Variants in TNS3 observed in about 807,000 individuals in gnomAD.
TNS3 encodes tensin 3.
Under a neutral mutation model 140.9 loss-of-function variants are expected in TNS3, and 45 were observed. The observed-to-expected ratio is 0.32, with a 90% CI of 0.25 to 0.41. TNS3 has a LOEUF of 0.41. Ranked by LOEUF, TNS3 falls within the 10% of genes least tolerant of loss-of-function variation. The pLI is 1.00. For synonymous variants in TNS3, 815 were observed against 788.4 expected (o/e 1.03, Z -0.56); for missense variants, 1,716 against 1,906.7 (o/e 0.90, Z 1.86).
intron 20 of TNS3, among the ~76,000 whole-genome samples, chr7:47,308,670 C>T (rs995086814): frequency 6.6e-6 from 1 of 152,128 alleles, no homozygotes; most frequent in Non-Finnish European, 1.5e-5. Context: ...TTAGGAAGGC[C>T]TGGAGTCATG....
intron 3 of TNS3, among the ~76,000 whole-genome samples, chr7:47,492,749 CT>C (rs1797860203): frequency 1.3e-5 from 2 of 152,342 alleles, no homozygotes; most frequent in African/African-American, 4.8e-5. Flanking sequence ...TTTTCCGAGG[CT>C]TTTAAAATGA....
intron 17 of TNS3, among the ~76,000 whole-genome samples, chr7:47,364,927 G>C (rs1429482284): frequency 6.6e-6 from 1 of 152,120 alleles, no homozygotes; most frequent in African/African-American, 2.4e-5. Context: ...CTAATCTTCT[G>C]ACATCTTTTT....
chr7:47,451,449 T>A (rs999183052), intron 4 of TNS3, among the ~76,000 whole-genome samples: 7 of 151,884 alleles, frequency 4.6e-5, no homozygotes, highest in Non-Finnish European at 1.0e-4. Flanking sequence ...GGCGTGGTGG[T>A]ATGTGGCTGT....
rs976862984 is a variant in TNS3 at position 47,463,379 on chromosome 7, G to A, written c.-76+17724C>T. 3.3e-5 allele frequency among the ~76,000 whole-genome samples: 5 copies of A among 152,328 alleles called. No homozygotes were observed. The South Asian group carries it at 1.0e-3, about 32-fold the overall frequency. ...GAATCACTTGAACCCAGGAGGCAGA[G>A]GTTGCAGTGAACCGAGATCATGCCA... On this transcript the variant is annotated intron_variant, in intron 4 of 30. Transcript: ENST00000311160.
intron 20 of TNS3, among the ~76,000 whole-genome samples, chr7:47,309,912 G>C (rs1025634522): frequency 6.6e-6 from 1 of 152,206 alleles, no homozygotes; most frequent in Non-Finnish European, 1.5e-5. Context: ...ACAATAGTTT[G>C]AACCCATTCA....
At chr7:47,399,406 G>A (rs1161961984) in intron 15 of TNS3, among the ~76,000 whole-genome samples, 1 of 152,038 alleles carries the variant, frequency 6.6e-6, no homozygotes. Context: ...AAAATCTGGA[G>A]GCATCGCACT....
intron 20 of TNS3, among the ~76,000 whole-genome samples, chr7:47,309,972 G>C (rs1786992489): frequency 6.6e-6 from 1 of 152,216 alleles, no homozygotes; most frequent in African/African-American, 2.4e-5. Context: ...CCAGGGAAGG[G>C]AGCAGGAGAT....
chr7:47,508,310 T>C (rs1798491194), intron 2 of TNS3, among the ~76,000 whole-genome samples: 1 of 152,234 alleles, frequency 6.6e-6, no homozygotes, highest in Non-Finnish European at 1.5e-5. Context: ...TGTCATTCTA[T>C]ACCTTGAGGT....
At chr7:47,479,130 G>C (rs926211765) in intron 4 of TNS3, among the ~76,000 whole-genome samples, 24 of 152,192 alleles carry the variant, frequency 1.6e-4, no homozygotes, top group African/African-American at 5.8e-4. Context: ...AGGGAACAAT[G>C]ACAACATCTA....
intron 4 of TNS3, among the ~76,000 whole-genome samples, chr7:47,465,141 C>G (rs1246605864): frequency 6.6e-6 from 1 of 152,192 alleles, no homozygotes; most frequent in Non-Finnish European, 1.5e-5. Flanking sequence ...CTTTATGAAG[C>G]AAGTGTTACT....
At chr7:47,394,753 C>T (rs1348963163) in intron 16 of TNS3, among the ~76,000 whole-genome samples, 1 of 152,264 alleles carries the variant, frequency 6.6e-6, no homozygotes, top group Middle Eastern at 3.2e-3. Context: ...AACTGATTTT[C>T]TGTCTATATG....
At chr7:47,433,498 T>C (rs834594) in intron 8 of TNS3, among the ~76,000 whole-genome samples, 36,597 of 152,204 alleles carry the variant, frequency 0.24, 5,316 homozygotes, top group Non-Finnish European at 0.32. Flanking sequence ...TAGAAAGCTC[T>C]AGGTGGTCCC....
At chr7:47,452,908 G>A (rs562953992) in intron 4 of TNS3, 85 of 985,390 alleles carry the variant, frequency 8.6e-5, no homozygotes, top group African/African-American at 2.8e-4. Flanking sequence ...GCCGAGAGGC[G>A]GCACGTGGGG....
At chr7:47,451,973 A>C (rs1796035713) in intron 4 of TNS3, among the ~76,000 whole-genome samples, 1 of 152,110 alleles carries the variant, frequency 6.6e-6, no homozygotes, top group African/African-American at 2.4e-5. Context: ...TGATCTTGGG[A>C]ATTTACTTGC....
chr7:47,309,571 TA>T (rs1272981674), intron 20 of TNS3, among the ~76,000 whole-genome samples: 1 of 152,216 alleles, frequency 6.6e-6, no homozygotes, highest in Non-Finnish European at 1.5e-5. Flanking sequence ...GAGGGTTCAT[TA>T]GTAGGCTAAA....
At chr7:47,414,931 T>A (rs1191881952) in intron 11 of TNS3, among the ~76,000 whole-genome samples, 163 bp downstream of exon 11, 1 of 152,134 alleles carries the variant, frequency 6.6e-6, no homozygotes, top group East Asian at 1.9e-4. Context: ...AACATGGGGC[T>A]CTGACCACTG....
chr7:47,535,986 C>G (rs535058641), intron 1 of TNS3, among the ~76,000 whole-genome samples: 9 of 152,338 alleles, frequency 5.9e-5, no homozygotes, highest in African/African-American at 1.7e-4. Flanking sequence ...TCTGGAGAGG[C>G]AGACACTGAT....
chr7:47,529,276 C>G (rs893211492), intron 1 of TNS3, 129 bp from the exon 2 acceptor site: 13 of 470,210 alleles, frequency 2.8e-5, no homozygotes, highest in Non-Finnish European at 3.4e-6. Context: ...ACCAAGCAAA[C>G]AGAGAACAAG....
chr7:47,391,109 C>T (rs1015877205), intron 16 of TNS3, among the ~76,000 whole-genome samples: 1 of 152,208 alleles, frequency 6.6e-6, no homozygotes, highest in Non-Finnish European at 1.5e-5. Flanking sequence ...CACACTTCCA[C>T]CCCGTGAATA....
Sources: allele counts gnomAD v4.1 joint callset (sites outside exome capture counted in the v4.1 genomes callset), GRCh38; gene constraint gnomAD v4.1.1; transcripts MANE v1.5; gene names NCBI Gene and HGNC (gene_info 2026-07-23, HGNC 2026-07-21).